MOXD1: variants seen among roughly 807,000 people sequenced by gnomAD.
MOXD1 encodes monooxygenase DBH like 1, also known as DBH-like monooxygenase protein 1.
Under a neutral mutation model 66.6 loss-of-function variants are expected in MOXD1, and 62 were observed. That is an observed-to-expected ratio of 0.93 (90% CI 0.76 to 1.15). The LOEUF (loss-of-function observed/expected upper bound fraction) is 1.15. Ranked by LOEUF, MOXD1 falls within the 50% of genes most tolerant of loss-of-function variation. MOXD1 has a pLI of 0.00. For missense variants in MOXD1, 847 were observed against 754.6 expected, an observed-to-expected ratio of 1.12 and a Z score of -1.44; for synonymous variants, 303 against 281.9, an observed-to-expected ratio of 1.07 and a Z score of -0.75.
chr6:132,379,186 G>C (rs937945814), intron 1 of MOXD1, among the ~76,000 whole-genome samples: 1 of 151,872 alleles, frequency 6.6e-6, no homozygotes, highest in South Asian at 2.1e-4. Context: ...AATATAGCAT[G>C]ATCATGCAGA....
rs142173166 is a variant in MOXD1, at chr6:132,303,274, A to T, written c.1509-5319T>A. ...AACAGGCATCCAACAGAGAACTTAC[A>T]TCCAAAGTATAAAGAATTCTTACAA... On this transcript the variant is annotated intron_variant, in intron 10 of 11. Transcript: ENST00000367963. Among the ~76,000 whole-genome samples, 1,139 of 152,306 alleles carry T rather than the reference A, an allele frequency of 7.5e-3. 12 individuals carry two copies. Among genetic ancestry groups the T allele is most frequent in the African/African-American group, 0.026 (1,076 of 41,570 alleles).
At chr6:132,382,455 GA>G (rs1008304749) in intron 1 of MOXD1, among the ~76,000 whole-genome samples, 2 of 152,070 alleles carry the variant, frequency 1.3e-5, no homozygotes, top group African/African-American at 4.8e-5. Flanking sequence ...CTTTGATTTA[GA>G]TCAGTTTCAA....
rs988203505 is a variant in MOXD1 at position 132,384,285 on chromosome 6, C to CCTTCCTT, written c.265-9509_265-9508insAAGGAAG. On this transcript the variant is annotated intron_variant, in intron 1 of 11. Coordinates refer to ENST00000367963, the MANE Select transcript of MOXD1 (RefSeq NM_015529.4). ...TCCTTCCTTCCTTCCTTCCTTCCTT[C>CCTTCCTT]CTTCCTCCTTCCTTCCTCCCTCCCT... Among the ~76,000 whole-genome samples the CCTTCCTT allele has an allele frequency of 2.9e-3, 279 of 94,972 alleles. 7 individuals carry two copies. In the Admixed American group the frequency reaches 0.03, roughly 10 times the overall value. 62.3% of individuals were successfully genotyped at this position (94,972 alleles called of 152,430 possible).
In MOXD1 at chr6:132,296,229, T is replaced by A. The variant is rs576318602; in HGVS notation, c.*924A>T. The A allele has an allele frequency of 9.2e-5, 14 of 152,210 alleles. No homozygotes were observed. The highest frequency in any genetic ancestry group is 7.9e-4 in the Admixed American group (12 of 15,274). 9.4% of individuals were successfully genotyped at this position (152,210 alleles called of 1,614,324 possible). A position where few individuals can be genotyped will look rare whatever the true frequency, so the allele number is the denominator to read the frequency against. On this transcript the variant is annotated 3_prime_UTR_variant, in exon 12 of 12. Coordinates refer to ENST00000367963, the MANE Select transcript of MOXD1 (RefSeq NM_015529.4). ...AACTAATATAAAAATAAATCTACAA[T>A]AGAACCATGACTTAAACTGAGCCAG...
At chr6:132,385,899 C>A (rs1278756189) in intron 1 of MOXD1, among the ~76,000 whole-genome samples, 3 of 151,234 alleles carry the variant, frequency 2.0e-5, no homozygotes, top group Non-Finnish European at 4.4e-5. Flanking sequence ...GTCAGGAGAT[C>A]GAGACCATCC....
At chr6:132,334,935 T>C (rs1411914794) in intron 4 of MOXD1, among the ~76,000 whole-genome samples, 1 of 152,182 alleles carries the variant, frequency 6.6e-6, no homozygotes, top group Non-Finnish European at 1.5e-5. Flanking sequence ...GGATGAGACA[T>C]AGAGAACCTA....
At chr6:132,307,161 G>A (rs567148833) in intron 10 of MOXD1, among the ~76,000 whole-genome samples, 6 of 152,050 alleles carry the variant, frequency 3.9e-5, no homozygotes, top group Admixed American at 2.6e-4. Flanking sequence ...TCAAAATAAA[G>A]GGATAGAAGA....
At chr6:132,368,445 A>T (rs933236912) in intron 4 of MOXD1, among the ~76,000 whole-genome samples, 3 of 152,060 alleles carry the variant, frequency 2.0e-5, no homozygotes, top group Non-Finnish European at 4.4e-5. Flanking sequence ...ATATGCTGTC[A>T]TCTGATAATA....
At chr6:132,329,738 A>C (rs898855453) in intron 4 of MOXD1, among the ~76,000 whole-genome samples, 4 of 152,190 alleles carry the variant, frequency 2.6e-5, no homozygotes, top group African/African-American at 7.2e-5. Context: ...TTCCTAAGAA[A>C]AAAAATCCAC....
intron 10 of MOXD1, among the ~76,000 whole-genome samples, chr6:132,303,807 A>ATGTGTG (rs768465608): frequency 6.3e-5 from 3 of 47,922 alleles, no homozygotes; most frequent in Non-Finnish European, 1.0e-4. Flanking sequence ...ATACACACAC[A>ATGTGTG]TGTGTGTGTG....
At position 132,322,798 on chromosome 6, in the gene MOXD1, C is replaced by T. The variant is rs1775105034; in HGVS notation, c.1186G>A (p.Gly396Ser). ...TTTCGAAAATGACGCAGCCTGATGCCTCTGCCAGCCAGGTGAGCATGGAGA... is the reference window on the plus strand; with the variant it reads ...TTTCGAAAATGACGCAGCCTGATGCTTCTGCCAGCCAGGTGAGCATGGAGA... ...VLLHAHLAGRGIRLRHFRKGK... is the reference protein window; with the variant it reads ...VLLHAHLAGRSIRLRHFRKGK... Residue 396 changes from glycine (G) to serine (S), a missense_variant, in exon 8 of 12, where the codon GGC (glycine) becomes AGC (serine). Transcript: ENST00000367963. The T allele has an allele frequency of 1.2e-6, 2 of 1,613,940 alleles. No individual in the cohort carries two copies. The highest frequency in any genetic ancestry group is 3.3e-5 in the Admixed American group (2 of 59,984).
chr6:132,383,108 A>T (rs1776544370), intron 1 of MOXD1, among the ~76,000 whole-genome samples: 1 of 152,182 alleles, frequency 6.6e-6, no homozygotes, highest in Non-Finnish European at 1.5e-5. Context: ...AGGTGCTTGT[A>T]GTTTTTCTTT....
In MOXD1 at chr6:132,370,751, T is replaced by G. The variant is rs987164293; in HGVS notation, c.663+1857A>C. The stretch of plus-strand genomic sequence containing the variant: ...AAAAATGCTCCAATGCCTTTCATGT[T>G]AATGCAAATGTCTAGTGAAGACAGC... On this transcript the variant is annotated intron_variant, in intron 4 of 11. Coordinates refer to ENST00000367963, the MANE Select transcript of MOXD1 (RefSeq NM_015529.4). Among the ~76,000 whole-genome samples, 14 of 152,142 alleles carry G rather than the reference T, an allele frequency of 9.2e-5. No individual in the cohort carries two copies. In the East Asian group the frequency reaches 2.7e-3, roughly 29 times the overall value.
intron 1 of MOXD1, among the ~76,000 whole-genome samples, chr6:132,379,956 T>G (rs1296142064): frequency 1.3e-5 from 2 of 152,168 alleles, no homozygotes; most frequent in African/African-American, 4.8e-5. Flanking sequence ...TTCACCACGT[T>G]GCCCAGGCTG....
rs544991457 is a variant in MOXD1, at chr6:132,349,066, T to C, written c.664-20472A>G. Reference sequence around the variant, plus strand: ...TCTTTGGTGGTGATTTGTGAGACTTTGGTGCACCCATCACCTGAGCAGTAT... The same window carrying C: ...TCTTTGGTGGTGATTTGTGAGACTTCGGTGCACCCATCACCTGAGCAGTAT... On this transcript the variant is annotated intron_variant, in intron 4 of 11. Transcript: ENST00000367963. Among the ~76,000 whole-genome samples the C allele has an allele frequency of 4.6e-5, 7 of 152,120 alleles. No individual in the cohort carries two copies. In the South Asian group the frequency reaches 1.5e-3, roughly 32 times the overall value.
Position 132,296,266 on chromosome 6 carries a change from T to C in MOXD1, c.*887A>G, listed in dbSNP as rs1467722898. On this transcript the variant is annotated 3_prime_UTR_variant, in exon 12 of 12. Transcript: ENST00000367963. ...TTAAACTGAGCCAGTATGTGGTACATGTGTCACCCAAAGTCAGCAAGGAAC... is the reference window on the plus strand; with the variant it reads ...TTAAACTGAGCCAGTATGTGGTACACGTGTCACCCAAAGTCAGCAAGGAAC... 2 of 152,138 alleles carry C rather than the reference T, an allele frequency of 1.3e-5. No homozygotes were observed. Among genetic ancestry groups the C allele is most frequent in the Non-Finnish European group, 2.9e-5 (2 of 68,028 alleles). The allele number at this position is 152,138 out of a possible 1,614,324, so 9.4% of individuals were successfully genotyped here. A position where few individuals can be genotyped will look rare whatever the true frequency, so the allele number is the denominator to read the frequency against.
chr6:132,330,562 C>T (rs1488692759), intron 4 of MOXD1, among the ~76,000 whole-genome samples: 1 of 152,164 alleles, frequency 6.6e-6, no homozygotes, highest in African/African-American at 2.4e-5. Flanking sequence ...TTTCTTTCCC[C>T]TCAGAGTTCT....
intron 4 of MOXD1, among the ~76,000 whole-genome samples, chr6:132,355,676 A>C (rs1775897108): frequency 6.6e-6 from 1 of 152,150 alleles, no homozygotes; most frequent in African/African-American, 2.4e-5. Flanking sequence ...AAGAAGAGAG[A>C]GCCCAGGCAC....
chr6:132,401,354 A>G lies in MOXD1; in HGVS notation c.73T>C (p.Tyr25His). Residue 25 changes from tyrosine to histidine, a missense_variant, in exon 1 of 12, where the codon TAT becomes CAT. By Grantham distance (83) the Tyr-to-His change is moderately conservative. Transcript: ENST00000367963. ...GTAAGGSGRTYPHRTLLDSEG... is the reference protein window; with the variant it reads ...GTAAGGSGRTHPHRTLLDSEG... ...GAGTCCAGGAGGGTCCGGTGCGGATAGGTTCGGCCCGAGCCCCCCGCCGCC... is the reference window on the plus strand; with the variant it reads ...GAGTCCAGGAGGGTCCGGTGCGGATGGGTTCGGCCCGAGCCCCCCGCCGCC... The G allele has an allele frequency of 6.4e-7, 1 of 1,566,010 alleles. No individual in the cohort carries two copies. Among genetic ancestry groups the G allele is most frequent in the Non-Finnish European group, 8.6e-7 (1 of 1,161,952 alleles).
Sources: gnomAD v4.1 joint callset for allele counts (sites outside exome capture counted in the v4.1 genomes callset) on GRCh38, gnomAD v4.1.1 for gene constraint, MANE v1.5 for transcripts, NCBI Gene and HGNC (gene_info 2026-07-23, HGNC 2026-07-21) for gene names.